DTNB: variants seen among roughly 807,000 people sequenced by gnomAD.
The protein encoded by DTNB is dystrobrevin beta, also known as DTN-B.
In DTNB, 63 loss-of-function variants were observed where a neutral mutation model predicts 90.7. That is an observed-to-expected ratio of 0.69 (90% CI 0.57 to 0.86). DTNB has a LOEUF of 0.86. Ranked by LOEUF, DTNB falls within the 40% of genes least tolerant of loss-of-function variation. The pLI is 0.00. For synonymous variants in DTNB, 277 were observed against 286.7 expected (o/e 0.97, Z 0.34); for missense variants, 744 against 807.1 (o/e 0.92, Z 0.95).
At chr2:25,384,159 G>A (rs2038777137) in intron 18 of DTNB, among the ~76,000 whole-genome samples, 1 of 152,254 alleles carries the variant, frequency 6.6e-6, no homozygotes, top group South Asian at 2.1e-4. Flanking sequence ...CGTGCAGTGT[G>A]GGGTTGCGTG....
At position 25,580,772 on chromosome 2, in the gene DTNB, G is replaced by A. The variant is rs746531889; in HGVS notation, c.658C>T (p.Gln220Ter). The change falls in exon 7 of 21, where the codon CAG (glutamine) becomes TAG (stop). Residue 220 changes from glutamine to a stop codon, truncating the protein, a stop_gained. Coordinates refer to ENST00000406818, the MANE Select transcript of DTNB (RefSeq NM_021907.5). LOFTEE classifies it high-confidence loss of function. ...ATGAGAGGTAGCCAGACAAGGCACT[G>A]GGGAGGAGGGTCAGCCATCATTGTG... ...LDTMMADPPP[Q>*]CLVWLPLMHR... 6.2e-7 allele frequency: 1 copy of A among 1,613,528 alleles called. No individual in the cohort carries two copies. Among genetic ancestry groups the A allele is most frequent in the Non-Finnish European group, 8.5e-7 (1 of 1,179,580 alleles).
chr2:25,644,806 T>C (rs858647), intron 2 of DTNB, among the ~76,000 whole-genome samples: 81,207 of 151,952 alleles, frequency 0.53, 22,013 homozygotes, highest in East Asian at 0.79. Flanking sequence ...GATTATTAGT[T>C]CAAATAACTA....
In DTNB at chr2:25,469,123, G is replaced by A. The variant is rs564793591; in HGVS notation, c.1080-13629C>T. 4.8e-4 allele frequency among the ~76,000 whole-genome samples: 73 copies of A among 152,250 alleles called. No individual in the cohort carries two copies. In the South Asian group the frequency reaches 0.015, roughly 31 times the overall value. ...CATTAATCAAGTATTTATAAGGGTAGGGAATGTTATAAAAGGATGTTTGCG... is the reference window on the plus strand; with the variant it reads ...CATTAATCAAGTATTTATAAGGGTAAGGAATGTTATAAAAGGATGTTTGCG... On this transcript the variant is annotated intron_variant, in intron 10 of 20. Coordinates refer to ENST00000406818, the MANE Select transcript of DTNB (RefSeq NM_021907.5).
intron 12 of DTNB, among the ~76,000 whole-genome samples, chr2:25,447,671 AT>A (rs879648864): frequency 1.3e-5 from 2 of 149,982 alleles, no homozygotes; most frequent in African/African-American, 2.5e-5. Context: ...CACCTGGCTA[AT>A]TTTTTTTTGT....
chr2:25,654,096 G>C (rs1020590561), intron 1 of DTNB, among the ~76,000 whole-genome samples: 2 of 152,096 alleles, frequency 1.3e-5, no homozygotes, highest in Non-Finnish European at 1.5e-5. Context: ...GTTCAAAAAA[G>C]ACAAATTACT....
chr2:25,580,659 CA>C, intron 7 of DTNB, 61 bp downstream of exon 7: 1 of 1,402,734 alleles, frequency 7.1e-7, no homozygotes, highest in Non-Finnish European at 1.0e-6. Flanking sequence ...AAGGACATTG[CA>C]AATAATCAGT....
intron 9 of DTNB, among the ~76,000 whole-genome samples, chr2:25,531,128 T>C (rs962573269): frequency 1.3e-5 from 2 of 152,216 alleles, no homozygotes; most frequent in East Asian, 1.9e-4. Context: ...CCTATGGGCA[T>C]TACTGCTATA....
At chr2:25,656,373 C>T (rs2082067659) in intron 1 of DTNB, among the ~76,000 whole-genome samples, 1 of 152,172 alleles carries the variant, frequency 6.6e-6, no homozygotes, top group South Asian at 2.1e-4. Context: ...GTATTATCTA[C>T]TCCAATACCA....
intron 8 of DTNB, among the ~76,000 whole-genome samples, chr2:25,570,097 GAA>G (rs58904320): frequency 1.3e-4 from 16 of 124,906 alleles, no homozygotes; most frequent in Non-Finnish European, 2.2e-4. Flanking sequence ...ACTGCATCTG[GAA>G]AAAAAAAAAA....
At chr2:25,483,064 A>C (rs1409460183) in intron 9 of DTNB, among the ~76,000 whole-genome samples, 191 bp from the exon 10 acceptor site, 1 of 148,016 alleles carries the variant, frequency 6.8e-6, no homozygotes, top group African/African-American at 2.5e-5. Context: ...GAGGGGGGGA[A>C]CCCTTGGGGA....
chr2:25,505,321 G>A (rs183641496), intron 9 of DTNB, among the ~76,000 whole-genome samples: 1 of 152,244 alleles, frequency 6.6e-6, no homozygotes, highest in Admixed American at 6.5e-5. Flanking sequence ...TGGGGACAAT[G>A]ATAAATGGAT....
At chr2:25,601,258 G>A (rs1313664080) in intron 5 of DTNB, among the ~76,000 whole-genome samples, 1 of 151,928 alleles carries the variant, frequency 6.6e-6, no homozygotes, top group Non-Finnish European at 1.5e-5. Flanking sequence ...AACCCTCCTG[G>A]TATTAAGGGA....
In DTNB at chr2:25,388,231, C is replaced by T. The variant is rs1433725439; in HGVS notation, c.1706G>A (p.Gly569Glu). The change falls in exon 17 of 21, where the codon GGG becomes GAG. Residue 569 changes from glycine (G) to glutamate (E), a missense_variant. Physicochemically the swap from Gly to Glu is moderately conservative, Grantham distance 98 (BLOSUM62 -2). Coordinates refer to ENST00000406818, the MANE Select transcript of DTNB (RefSeq NM_021907.5). ...HCPQDSLSGV[G>E]GDVQEAFAQG... ...TGCGAAGGCCTCCTGCACGTCTCCCCCGACTCCGCTCAGCGAGTCCTGCGG... is the reference window on the plus strand; with the variant it reads ...TGCGAAGGCCTCCTGCACGTCTCCCTCGACTCCGCTCAGCGAGTCCTGCGG... The T allele has an allele frequency of 6.3e-7, 1 of 1,593,192 alleles. No homozygotes were observed. Among genetic ancestry groups the T allele is most frequent in the Admixed American group, 1.8e-5 (1 of 56,186 alleles).
intron 10 of DTNB, among the ~76,000 whole-genome samples, chr2:25,461,328 T>TGTTTGGG (rs908565019): frequency 3.9e-5 from 6 of 152,254 alleles, no homozygotes; most frequent in Admixed American, 6.5e-5. Context: ...CTGATAATTT[T>TGTTTGGG]GTTTGGGGTG....
At chr2:25,672,625 CAA>C (rs2086292325) in intron 1 of DTNB, among the ~76,000 whole-genome samples, 2 of 152,110 alleles carry the variant, frequency 1.3e-5, no homozygotes, top group South Asian at 4.1e-4. Flanking sequence ...TGGGAAAAGA[CAA>C]AAGAGACCGA....
At chr2:25,392,165 T>C (rs979621797) in intron 16 of DTNB, among the ~76,000 whole-genome samples, 1 of 152,094 alleles carries the variant, frequency 6.6e-6, no homozygotes, top group African/African-American at 2.4e-5. Flanking sequence ...TCCCAGCACT[T>C]TGGGAGGCCA....
chr2:25,444,532 C>T (rs1392721067), intron 12 of DTNB, among the ~76,000 whole-genome samples: 1 of 48,018 alleles, frequency 2.1e-5, no homozygotes, highest in Non-Finnish European at 4.8e-5. Flanking sequence ...GAGACTCCAT[C>T]TCAAAAAAAA....
rs376804591 is a variant in DTNB, at chr2:25,458,875, G to A, written c.1080-3381C>T. Among the ~76,000 whole-genome samples the A allele has an allele frequency of 1.1e-3, 168 of 152,158 alleles. 3 individuals are homozygous for A. The South Asian group carries it at 0.013, about 12-fold the overall frequency. On this transcript the variant is annotated intron_variant, in intron 10 of 20. Coordinates refer to ENST00000406818, the MANE Select transcript of DTNB (RefSeq NM_021907.5). ...TTAGCCAGGATGGTCTCGATCTCCC[G>A]ACCTCGTGATCCGCCTGCCTCGGCC...
chr2:25,575,391 T>C (rs1270493252), intron 8 of DTNB, among the ~76,000 whole-genome samples: 3 of 152,134 alleles, frequency 2.0e-5, no homozygotes, highest in East Asian at 3.8e-4. Context: ...TTTTCCTTTT[T>C]TTGGATTTTA....
Sources: gnomAD v4.1 joint callset for allele counts (sites outside exome capture counted in the v4.1 genomes callset) on GRCh38, gnomAD v4.1.1 for gene constraint, MANE v1.5 for transcripts, NCBI Gene and HGNC (gene_info 2026-07-23, HGNC 2026-07-21) for gene names.